The following EPG5 variants were observed in gnomAD, a reference collection of about 807,000 sequenced individuals.
The protein encoded by EPG5 is ectopic P-granules 5 autophagy tethering factor.
A neutral mutation model predicts 302.7 loss-of-function variants in EPG5; 159 were observed. That is an observed-to-expected ratio of 0.53 (90% CI 0.46 to 0.60). The LOEUF (loss-of-function observed/expected upper bound fraction) is 0.60. Ranked by LOEUF, EPG5 falls within the 20% of genes least tolerant of loss-of-function variation. EPG5 has a pLI of 0.00. For synonymous variants in EPG5, 1,158 were observed against 1,136.8 expected, an observed-to-expected ratio of 1.02 and a Z score of -0.37; for missense variants, 2,896 against 3,092.4, an observed-to-expected ratio of 0.94 and a Z score of 1.51.
chr18:45,821,167 G>A, the EPG5 span, among the ~76,000 whole-genome samples: 1 of 152,196 alleles, frequency 6.6e-6, no homozygotes, highest in East Asian at 1.9e-4. Context: ...TCTTGTTGAT[G>A]ACTATCAGCT....
chr18:45,867,414 A>G (rs1044805214), intron 37 of EPG5, 149 bp downstream of exon 37: 27 of 678,222 alleles, frequency 4.0e-5, no homozygotes, highest in Non-Finnish European at 5.7e-5. Context: ...CAAGAAAATC[A>G]GGCATCTGGT....
At chr18:45,948,732 C>A (rs754183333) in intron 5 of EPG5, among the ~76,000 whole-genome samples, 156 bp from the exon 6 acceptor site, 2 of 152,176 alleles carry the variant, frequency 1.3e-5, no homozygotes, top group Non-Finnish European at 2.9e-5. Context: ...CATGGGTTAC[C>A]TGGTGGCACT....
Position 45,955,275 on chromosome 18 carries a change from A to C in EPG5, c.127T>G (p.Ser43Ala). 1 of 1,613,888 alleles carries C rather than the reference A, an allele frequency of 6.2e-7. No homozygotes were observed. The highest frequency in any genetic ancestry group is 8.5e-7 in the Non-Finnish European group (1 of 1,179,914). Residue 43 changes from serine (S) to alanine (A), a missense_variant, in exon 2 of 44, where the codon TCC becomes GCC. This residue lies in a region of EPG5 where 1,390 missense variants were observed against 1,430.0 expected (regional missense o/e 0.97). Transcript: ENST00000282041. ...ESSEVSLPKT[S>A]REQEIPSLAC... ...AGAGAAGGGATTTCCTGCTCTCTGGAGGTTTTTGGAAGGGAGACTTCACTG... is the reference window on the plus strand; with the variant it reads ...AGAGAAGGGATTTCCTGCTCTCTGGCGGTTTTTGGAAGGGAGACTTCACTG...
chr18:45,807,798 T>C, the EPG5 span, among the ~76,000 whole-genome samples: 1 of 152,034 alleles, frequency 6.6e-6, no homozygotes, highest in Non-Finnish European at 1.5e-5. Flanking sequence ...GAAAACCAAC[T>C]CTGGTAATAT....
chr18:45,806,522 C>A, the EPG5 span, among the ~76,000 whole-genome samples: 2 of 152,182 alleles, frequency 1.3e-5, no homozygotes, highest in Admixed American at 6.5e-5. Flanking sequence ...AGTGCCCAAA[C>A]TGTACAAGTG....
Position 45,887,795 on chromosome 18 carries a change from G to A in EPG5, c.5065C>T (p.Pro1689Ser), listed in dbSNP as rs757797464. 32 of 1,597,488 alleles carry A rather than the reference G, an allele frequency of 2.0e-5. No individual in the cohort carries two copies. Among genetic ancestry groups the A allele is most frequent in the Non-Finnish European group, 2.7e-5 (32 of 1,167,664 alleles). Residue 1689 changes from proline (P) to serine (S), a missense_variant, in exon 29 of 44, where the codon CCA becomes TCA. Pro to Ser is a moderately conservative substitution (Grantham distance 74). Coordinates refer to ENST00000282041, the MANE Select transcript of EPG5 (RefSeq NM_020964.3). ...YVSDETQRHPPTRQFFTSCIE... is the reference protein window; with the variant it reads ...YVSDETQRHPSTRQFFTSCIE... ...CATGAAGTAAAGAACTGCCTTGTTGGGGGATGACGCTGCGTCTCATCGCTG... is the reference window on the plus strand; with the variant it reads ...CATGAAGTAAAGAACTGCCTTGTTGAGGGATGACGCTGCGTCTCATCGCTG...
chr18:45,910,495 G>T (rs757369636), intron 23 of EPG5, 26 bp downstream of exon 23: 2 of 1,539,084 alleles, frequency 1.3e-6, no homozygotes, highest in Admixed American at 3.8e-5. Context: ...AAACAACAAT[G>T]TAGGTGGCTA....
At chr18:45,885,736 G>C (rs181142058) in intron 29 of EPG5, among the ~76,000 whole-genome samples, 217 of 152,000 alleles carry the variant, frequency 1.4e-3, no homozygotes, top group African/African-American at 5.1e-3. Flanking sequence ...ACTTCTATAA[G>C]GCAAAAATAT....
chr18:45,816,365 T>A, the EPG5 span, among the ~76,000 whole-genome samples: 1 of 151,832 alleles, frequency 6.6e-6, no homozygotes, highest in East Asian at 1.9e-4. Flanking sequence ...AGAGAAAATC[T>A]TCACAATCTA....
chr18:45,932,654 T>A (rs185713707), intron 11 of EPG5, among the ~76,000 whole-genome samples: 2 of 152,192 alleles, frequency 1.3e-5, no homozygotes, highest in African/African-American at 2.4e-5. Context: ...TATAAAAGAT[T>A]AAGCAAAGGA....
At chr18:45,840,012 T>C in the EPG5 span, among the ~76,000 whole-genome samples, 1 of 152,166 alleles carries the variant, frequency 6.6e-6, no homozygotes, top group Non-Finnish European at 1.5e-5. Flanking sequence ...TTTACTGGAT[T>C]GCTCCTCAGT....
the EPG5 span, among the ~76,000 whole-genome samples, chr18:45,813,907 G>A: frequency 2.0e-4 from 31 of 151,548 alleles, 1 homozygote; most frequent in East Asian, 1.7e-3. Flanking sequence ...AGAACTTAAA[G>A]TATAATAATT....
Position 45,858,044 on chromosome 18 carries a change from C to T in EPG5, c.7251G>A (p.Leu2417=). Reference sequence around the variant, plus strand: ...GAAGGACTTGGTGCCACCACAAAAACAGCTTTGCCTCTTCCTCCACGGAGC... The same window carrying T: ...GAAGGACTTGGTGCCACCACAAAAATAGCTTTGCCTCTTCCTCCACGGAGC... ...YPSSVEEEAK[L]FLWWHQVLQL... The change falls in exon 42 of 44, where the codon CTG becomes CTA. Residue 2417 remains leucine, a synonymous_variant. Coordinates refer to ENST00000282041, the MANE Select transcript of EPG5 (RefSeq NM_020964.3). 6.2e-7 allele frequency: 1 copy of T among 1,613,718 alleles called. No homozygotes were observed. Among genetic ancestry groups the T allele is most frequent in the Non-Finnish European group, 8.5e-7 (1 of 1,179,814 alleles).
chr18:45,960,077 G>C (rs1195886083), intron 1 of EPG5, among the ~76,000 whole-genome samples: 2 of 152,056 alleles, frequency 1.3e-5, no homozygotes, highest in African/African-American at 4.8e-5. Flanking sequence ...CCAAGAGTTT[G>C]AGACCAGCCT....
intron 36 of EPG5, among the ~76,000 whole-genome samples, chr18:45,868,803 C>A (rs2048807247): frequency 6.6e-6 from 1 of 151,670 alleles, no homozygotes; most frequent in Admixed American, 6.6e-5. Context: ...CACCTGTAAT[C>A]CCAGCACTTT....
chr18:45,868,053 T>G, intron 36 of EPG5: 1 of 486,122 alleles, frequency 2.1e-6, no homozygotes, highest in East Asian at 6.0e-5. Flanking sequence ...AGTAAGTCAC[T>G]GGAGCTGCAG....
chr18:45,806,901 A>G, the EPG5 span, among the ~76,000 whole-genome samples: 1 of 152,188 alleles, frequency 6.6e-6, no homozygotes, highest in African/African-American at 2.4e-5. Flanking sequence ...TCTGGTGTGC[A>G]GACTCCACAG....
chr18:45,956,023 C>G (rs1007927864), intron 1 of EPG5, among the ~76,000 whole-genome samples: 1 of 152,184 alleles, frequency 6.6e-6, no homozygotes, highest in Non-Finnish European at 1.5e-5. Context: ...TTAAGGGAAA[C>G]AGAGTATCTG....
chr18:45,908,884 G>C (rs577866331), intron 23 of EPG5, among the ~76,000 whole-genome samples: 4 of 151,958 alleles, frequency 2.6e-5, no homozygotes, highest in Admixed American at 6.6e-5. Flanking sequence ...GGAAGGCAGA[G>C]GTTGCAGTGA....
Sources: allele counts gnomAD v4.1 joint callset (sites outside exome capture counted in the v4.1 genomes callset), GRCh38; gene constraint gnomAD v4.1.1; regional missense constraint gnomAD v4.1.1; transcripts MANE v1.5; gene names NCBI Gene and HGNC (gene_info 2026-07-23, HGNC 2026-07-21).